The following NFAT5 variants were observed in gnomAD, a reference collection of about 807,000 sequenced individuals.
NFAT5 encodes nuclear factor of activated T-cells 5.
Under a neutral mutation model 166.5 loss-of-function variants are expected in NFAT5, and 31 were observed. The ratio of observed to expected loss-of-function variants is 0.19; its 90% CI spans 0.14 to 0.25. NFAT5 has a LOEUF of 0.25. Among genes scored for constraint, NFAT5 ranks in the 10% least tolerant of loss-of-function variants. The probability of loss-of-function intolerance (pLI) is 1.00; values close to 1 mark genes in which losing one functional copy is unlikely to be tolerated. For missense variants in NFAT5, 1,449 were observed against 1,821.8 expected (o/e 0.80, Z 3.72); for synonymous variants, 612 against 639.7 (o/e 0.96, Z 0.65).
At chr16:69,688,496 A>T (rs1475985517) in intron 11 of NFAT5, among the ~76,000 whole-genome samples, 1 of 151,866 alleles carries the variant, frequency 6.6e-6, no homozygotes, top group Non-Finnish European at 1.5e-5. Context: ...GGCTGAGGTA[A>T]CAGGTGCCCT....
intron 2 of NFAT5, among the ~76,000 whole-genome samples, chr16:69,625,896 C>T (rs2034433615): frequency 6.7e-6 from 1 of 148,972 alleles, no homozygotes; most frequent in Non-Finnish European, 1.5e-5. Context: ...AAAACAGGGA[C>T]AGAACTAATG....
At chr16:69,588,772 G>T (rs889925562) in intron 2 of NFAT5, among the ~76,000 whole-genome samples, 2 of 152,164 alleles carry the variant, frequency 1.3e-5, no homozygotes, top group African/African-American at 4.8e-5. Flanking sequence ...GACTCCTTTG[G>T]AAAAATCATT....
In NFAT5 at chr16:69,566,829, A is replaced by G. The variant is rs2016081279; in HGVS notation, c.73+455A>G. ...CCCCCAAGCGGGCGGCGTGGCCTGG[A>G]GCCGGTTCTGAGTGCAGGGTCACCA... On this transcript the variant is annotated intron_variant, in intron 1 of 14. Coordinates refer to ENST00000349945, the MANE Select transcript of NFAT5 (RefSeq NM_138713.4). This position sits in a 1 kb window ranked among gnomAD's most constrained non-coding sequence, Gnocchi z 5.7. Among the ~76,000 whole-genome samples the G allele has an allele frequency of 6.6e-6, 1 of 152,078 alleles. No homozygotes were observed. Among genetic ancestry groups the G allele is most frequent in the Non-Finnish European group, 1.5e-5 (1 of 67,996 alleles).
intron 2 of NFAT5, 37 bp downstream of exon 2, chr16:69,568,585 T>C: frequency 1.9e-6 from 3 of 1,539,416 alleles, no homozygotes; most frequent in Non-Finnish European, 2.7e-6. Context: ...ATTGTGTTAG[T>C]ATGCAAAGGC....
intron 1 of NFAT5, among the ~76,000 whole-genome samples, chr16:69,567,999 T>A (rs961035298): frequency 1.3e-5 from 2 of 152,180 alleles, no homozygotes; most frequent in African/African-American, 4.8e-5. Context: ...TTCACAAATA[T>A]GGGCTTTAGC....
chr16:69,676,610 G>C (rs2036843583), intron 9 of NFAT5, among the ~76,000 whole-genome samples: 1 of 152,152 alleles, frequency 6.6e-6, no homozygotes, highest in African/African-American at 2.4e-5. Flanking sequence ...AAACAGCCTA[G>C]ATCCTCATGG....
intron 5 of NFAT5, 106 bp downstream of exon 5, chr16:69,653,534 A>G (rs1032326316): frequency 2.9e-6 from 2 of 679,802 alleles, no homozygotes; most frequent in Admixed American, 7.9e-5. Flanking sequence ...CTTCCCTCAT[A>G]TTTGATATTT....
chr16:69,677,133 A>G lies in NFAT5; in HGVS notation c.1558-70A>G, dbSNP rs565843082. 28 of 1,422,632 alleles carry G rather than the reference A, an allele frequency of 2.0e-5. No homozygotes were observed. The East Asian group carries it at 6.4e-4, about 32-fold the overall frequency. The allele number at this position is 1,422,632 out of a possible 1,614,324, so 88.1% of individuals were successfully genotyped here. Reference sequence around the variant, plus strand: ...TTAAACTTTACAGCTAACAGGAAATATACTTCATTTAAAATTTTTAAATTT... The same window carrying G: ...TTAAACTTTACAGCTAACAGGAAATGTACTTCATTTAAAATTTTTAAATTT... On this transcript the variant is annotated intron_variant, in intron 9 of 14. Transcript: ENST00000349945.
Position 69,624,582 on chromosome 16 carries a change from C to A in NFAT5, c.128-1821C>A, listed in dbSNP as rs192470802. 2.6e-5 allele frequency among the ~76,000 whole-genome samples: 4 copies of A among 152,258 alleles called. No individual in the cohort carries two copies. In the East Asian group the frequency reaches 5.8e-4, roughly 22 times the overall value. On this transcript the variant is annotated intron_variant, in intron 2 of 14. Transcript: ENST00000349945. The stretch of plus-strand genomic sequence containing the variant: ...TGAAGATCGTTTAAGAGTACAACTT[C>A]TAATTTTAGCTTTCTTTCATGACCT...
intron 12 of NFAT5, 71 bp downstream of exon 12, chr16:69,691,159 A>G: frequency 7.4e-7 from 1 of 1,344,576 alleles, no homozygotes; most frequent in Non-Finnish European, 9.8e-7. Context: ...CTATTTTTTT[A>G]ACATTATTTT....
At chr16:69,586,678 C>T (rs149914314) in intron 2 of NFAT5, among the ~76,000 whole-genome samples, 2 of 152,268 alleles carry the variant, frequency 1.3e-5, no homozygotes, top group South Asian at 2.1e-4. Context: ...GCTGAGATTA[C>T]AGGCATGAGC....
intron 2 of NFAT5, among the ~76,000 whole-genome samples, chr16:69,604,299 C>T (rs1038499108): frequency 4.6e-5 from 7 of 152,176 alleles, no homozygotes; most frequent in Admixed American, 3.9e-4. Context: ...TCTAGCACTG[C>T]TCTTGGTACC....
At chr16:69,567,259 A>G (rs1439158100) in intron 1 of NFAT5, among the ~76,000 whole-genome samples, 1 of 152,218 alleles carries the variant, frequency 6.6e-6, no homozygotes, top group Non-Finnish European at 1.5e-5. Context: ...TAAGGCCTGC[A>G]GGGGATTCCC....
At chr16:69,568,376 G>GTGTGTGTGTA (rs1163472084) in intron 1 of NFAT5, 119 bp from the exon 2 acceptor site, 95 of 288,524 alleles carry the variant, frequency 3.3e-4, no homozygotes, top group Middle Eastern at 1.0e-3. Context: ...GTGTGTGTGT[G>GTGTGTGTGTA]TATATATATA....
chr16:69,664,310 G>A (rs908773094), intron 7 of NFAT5, among the ~76,000 whole-genome samples: 2 of 151,410 alleles, frequency 1.3e-5, no homozygotes, highest in Admixed American at 6.6e-5. Context: ...TTTTTGAGAC[G>A]GAGTCTCACT....
intron 2 of NFAT5, among the ~76,000 whole-genome samples, chr16:69,571,651 G>A (rs1310939973): frequency 1.3e-5 from 2 of 151,742 alleles, no homozygotes; most frequent in Non-Finnish European, 2.9e-5. Flanking sequence ...AGTAATTGGT[G>A]TGATATAATT....
intron 2 of NFAT5, among the ~76,000 whole-genome samples, chr16:69,586,704 C>T (rs933255540): frequency 1.3e-5 from 2 of 151,908 alleles, no homozygotes; most frequent in Non-Finnish European, 2.9e-5. Context: ...TGCCCGGCCT[C>T]GACTGGAAAA....
chr16:69,649,185 A>G (rs2035569876), intron 4 of NFAT5: 2 of 953,130 alleles, frequency 2.1e-6, no homozygotes, highest in South Asian at 9.7e-5. Context: ...TACTTAAGTA[A>G]CTGTGATAGT....
chr16:69,679,746 T>G (rs2036978363), intron 10 of NFAT5, among the ~76,000 whole-genome samples: 1 of 152,330 alleles, frequency 6.6e-6, no homozygotes, highest in Middle Eastern at 3.4e-3. Flanking sequence ...AAGATTGGCT[T>G]ATTCTCAAAG....
Sources: allele counts gnomAD v4.1 joint callset (sites outside exome capture counted in the v4.1 genomes callset), GRCh38; gene constraint gnomAD v4.1.1; non-coding constraint Gnocchi (gnomAD v3.1); transcripts MANE v1.5; gene names NCBI Gene and HGNC (gene_info 2026-07-23, HGNC 2026-07-21).